Variants in NEIL1 observed in about 807,000 individuals in gnomAD.
NEIL1 encodes the protein endonuclease 8-like 1.
Under a neutral mutation model 44.2 loss-of-function variants are expected in NEIL1, and 31 were observed. The ratio of observed to expected loss-of-function variants is 0.70; its 90% CI spans 0.53 to 0.95. NEIL1 has a LOEUF of 0.95. Among genes scored for constraint, NEIL1 ranks in the 40% least tolerant of loss-of-function variants. The probability of loss-of-function intolerance (pLI) is 0.00; values close to 1 mark genes in which losing one functional copy is unlikely to be tolerated. For missense variants in NEIL1, 549 were observed against 515.5 expected, an observed-to-expected ratio of 1.07 and a Z score of -0.63; for synonymous variants, 254 against 209.7, an observed-to-expected ratio of 1.21 and a Z score of -1.83.
intron 2 of NEIL1, among the ~76,000 whole-genome samples, chr15:75,350,218 C>T (rs868617517): frequency 2.0e-5 from 3 of 152,336 alleles, no homozygotes; most frequent in Middle Eastern, 3.4e-3. Flanking sequence ...CACTTCCTTT[C>T]CTCTGAAGAG....
intron 1 of NEIL1, 44 bp downstream of exon 1, chr15:75,347,517 C>G (rs2071534599): frequency 6.5e-6 from 1 of 152,728 alleles, no homozygotes; most frequent in Non-Finnish European, 1.5e-5. Context: ...ACCCCCCAAG[C>G]TCGGGGACCC....
chr15:75,348,785 C>T (rs2071640202), intron 1 of NEIL1, 99 bp from the exon 2 acceptor site: 1 of 1,492,928 alleles, frequency 6.7e-7, no homozygotes, highest in African/African-American at 1.4e-5. Flanking sequence ...TGGCCACATG[C>T]CCATCTGACC....
intron 1 of NEIL1, chr15:75,347,717 GAGA>G: frequency 3.7e-6 from 3 of 817,192 alleles, no homozygotes; most frequent in Non-Finnish European, 4.6e-6. Flanking sequence ...TAGGGCTAAG[GAGA>G]AGATGAGCTT....
Position 75,355,161 on chromosome 15 carries a change from T to G in NEIL1, c.*127T>G. On this transcript the variant is annotated 3_prime_UTR_variant, in exon 10 of 10. Transcript: ENST00000355059. ...GCCCTACGGCTGTTCCCTGCACAAC[T>G]CTCATGGTTTTAATTGTACCCCATC... is the stretch of plus-strand genomic sequence containing the variant. 1.4e-6 allele frequency: 1 copy of G among 710,716 alleles called. No individual in the cohort carries two copies. The highest frequency in any genetic ancestry group is 2.4e-6 in the Non-Finnish European group (1 of 423,928). The allele number at this position is 710,716 out of a possible 1,614,324, so 44.0% of individuals were successfully genotyped here.
In NEIL1 at chr15:75,355,007, G is replaced by A. The variant is rs2141319788; in HGVS notation, c.1146G>A (p.Leu382=). 6.2e-7 allele frequency: 1 copy of A among 1,614,018 alleles called. No individual in the cohort carries two copies. The change falls in exon 10 of 10, where the codon TTG becomes TTA. Residue 382 remains leucine, a synonymous_variant. Coordinates refer to ENST00000355059, the MANE Select transcript of NEIL1 (RefSeq NM_024608.4). The stretch of plus-strand genomic sequence containing the variant: ...AGGTCAAGGCTGACATCCCATCCTT[G>A]GAACCAGAGGGGACCTCAGCCTCTT... ...PRKVKADIPS[L]EPEGTSAS
At chr15:75,348,228 A>T in intron 1 of NEIL1, 1 of 803,454 alleles carries the variant, frequency 1.2e-6, no homozygotes, top group Non-Finnish European at 1.5e-6. Context: ...GGCCGCGGGG[A>T]TGTCCGGTCC....
In NEIL1 at chr15:75,353,776, CT is replaced by C; in HGVS notation, c.759del (p.Phe253LeufsTer16). ...GYGSESGEED[F>X]AAFRAWLRCY... Reference sequence around the variant, plus strand: ...ACGGGTCAGAGAGCGGGGAGGAGGACTTTGCTGCCTTTCGAGCCTGGCTGCG... The same window carrying C: ...ACGGGTCAGAGAGCGGGGAGGAGGACTTGCTGCCTTTCGAGCCTGGCTGCG... On this transcript the variant is annotated frameshift_variant, in exon 6 of 10. Coordinates refer to ENST00000355059, the MANE Select transcript of NEIL1 (RefSeq NM_024608.4). LOFTEE classifies it high-confidence loss of function. The C allele has an allele frequency of 6.2e-7, 1 of 1,614,158 alleles. No individual in the cohort carries two copies. The highest frequency in any genetic ancestry group is 8.5e-7 in the Non-Finnish European group (1 of 1,180,006).
At position 75,352,926 on chromosome 15, in the gene NEIL1, G is replaced by A. The variant is rs1189321318; in HGVS notation, c.718+225G>A. On this transcript the variant is annotated intron_variant, in intron 5 of 9. Transcript: ENST00000355059. ...AGGCCGAGTGGGGTGGCTCACCTGA[G>A]GTCAGGAGTTCGAGACCATCCTGGC... 6.2e-6 allele frequency: 3 copies of A among 485,070 alleles called. No individual in the cohort carries two copies. The East Asian group carries it at 1.2e-4, about 19-fold the overall frequency. 30.0% of individuals were successfully genotyped at this position (485,070 alleles called of 1,614,324 possible).
Position 75,352,160 on chromosome 15 carries a change from T to A in NEIL1, c.484T>A (p.Cys162Ser), listed in dbSNP as rs762778959. 2 of 1,614,058 alleles carry A rather than the reference T, an allele frequency of 1.2e-6. No individual in the cohort carries two copies. The highest frequency in any genetic ancestry group is 2.7e-5 in the African/African-American group (2 of 74,926). The part of the protein sequence containing the change: ...LADKAFDRPI[C>S]EALLDQRFFN... ...GGATAAGGCCTTTGACCGGCCCATC[T>A]GCGAGGCCCTCCTGGACCAGAGGTT... Residue 162 changes from cysteine (C) to serine (S), a missense_variant, in exon 3 of 10, where the codon TGC becomes AGC. Cys to Ser is a moderately radical substitution (Grantham distance 112, BLOSUM62 -1). Coordinates refer to ENST00000355059, the MANE Select transcript of NEIL1 (RefSeq NM_024608.4).
chr15:75,356,785 C>T lies in NEIL1; in HGVS notation c.*1751C>T. ...CCAGCTCCCAGGCCTGGTGGGTACCCCACTTACAGCGAGAGGCTGAGGATG... is the reference window on the plus strand; with the variant it reads ...CCAGCTCCCAGGCCTGGTGGGTACCTCACTTACAGCGAGAGGCTGAGGATG... On this transcript the variant is annotated 3_prime_UTR_variant, in exon 10 of 10. Coordinates refer to ENST00000355059, the MANE Select transcript of NEIL1 (RefSeq NM_024608.4). This position sits in a 1 kb window ranked among gnomAD's most constrained non-coding sequence, Gnocchi z 5.8. 6.2e-7 allele frequency: 1 copy of T among 1,613,960 alleles called. No individual in the cohort carries two copies. The highest frequency in any genetic ancestry group is 8.5e-7 in the Non-Finnish European group (1 of 1,179,978).
chr15:75,347,737 G>A (rs2071548171), intron 1 of NEIL1: 5 of 958,762 alleles, frequency 5.2e-6, no homozygotes, highest in East Asian at 1.8e-4. Context: ...GCTTTGGGGG[G>A]CCCTGAGGAG....
rs560887393 is a variant in NEIL1 at position 75,356,280 on chromosome 15, C to G, written c.*1246C>G. The G allele has an allele frequency of 1.2e-6, 2 of 1,611,624 alleles. No individual in the cohort carries two copies. The highest frequency in any genetic ancestry group is 2.7e-5 in the African/African-American group (2 of 74,882). ...GCAGGCCCAGTTCGGAACCCCGTCCCCAGCACGTCCCACCCCTTGCCTGCT... is the reference window on the plus strand; with the variant it reads ...GCAGGCCCAGTTCGGAACCCCGTCCGCAGCACGTCCCACCCCTTGCCTGCT... On this transcript the variant is annotated 3_prime_UTR_variant, in exon 10 of 10. Transcript: ENST00000355059. This position sits in a 1 kb window ranked among gnomAD's most constrained non-coding sequence, Gnocchi z 5.8.
rs761525934 is a variant in NEIL1, at chr15:75,348,975, G to C, written c.70G>C (p.Gly24Arg). 5 of 1,613,170 alleles carry C rather than the reference G, an allele frequency of 3.1e-6. No individual in the cohort carries two copies. Among genetic ancestry groups the C allele is most frequent in the African/African-American group, 1.3e-5 (1 of 74,914 alleles). Residue 24 changes from glycine to arginine, a missense_variant, in exon 2 of 10, where the codon GGC becomes CGC. Gly to Arg is a moderately radical substitution (Grantham distance 125, BLOSUM62 -2). Transcript: ENST00000355059. ...VNEACRALVF[G>R]GCVEKSSVSR... is the part of the protein sequence containing the mutation. ...TGAGGCCTGCAGGGCGCTGGTGTTC[G>C]GCGGCTGCGTGGAGAAGTCCTCTGT...
intron 2 of NEIL1, among the ~76,000 whole-genome samples, chr15:75,349,977 G>A (rs1375059191): frequency 1.3e-5 from 2 of 152,240 alleles, no homozygotes; most frequent in Non-Finnish European, 2.9e-5. Flanking sequence ...GGCTAAGAAG[G>A]TGGAGGGGCT....
In NEIL1 at chr15:75,349,111, A is replaced by G. The variant is rs1440103921; in HGVS notation, c.206A>G (p.Gln69Arg). The change falls in exon 2 of 10, where the codon CAA becomes CGA. Residue 69 changes from glutamine (Q) to arginine (R), a missense_variant. Gln to Arg is a conservative substitution (Grantham distance 43). Coordinates refer to ENST00000355059, the MANE Select transcript of NEIL1 (RefSeq NM_024608.4). ...AGCCCTCTGCCTGGGGCCCAGCCCC[A>G]ACAGGAGCCACTGGCCCTGGTCTTC... The part of the protein sequence containing the change: ...ILSPLPGAQP[Q>R]QEPLALVFRF... 3 of 1,611,794 alleles carry G rather than the reference A, an allele frequency of 1.9e-6. No individual in the cohort carries two copies. Among genetic ancestry groups the G allele is most frequent in the Non-Finnish European group, 2.5e-6 (3 of 1,179,936 alleles).
chr15:75,353,142 CAA>C (rs1195902594), intron 5 of NEIL1: 75 of 95,432 alleles, frequency 7.9e-4, no homozygotes, highest in South Asian at 3.0e-3. Flanking sequence ...AACTCCATCT[CAA>C]AAAAAAAAAA....
rs780097586 is a variant in NEIL1, at chr15:75,355,079, C to T, written c.*45C>T. 1.9e-5 allele frequency: 30 copies of T among 1,571,382 alleles called. No homozygotes were observed. Among genetic ancestry groups the T allele is most frequent in the Non-Finnish European group, 2.6e-5 (30 of 1,148,912 alleles). ...GCACTCACCCTTTCTTATTGTCTTG[C>T]CCTGCATCTGGGGGTCTGAATTTTT... is the stretch of plus-strand genomic sequence containing the variant. On this transcript the variant is annotated 3_prime_UTR_variant, in exon 10 of 10. Coordinates refer to ENST00000355059, the MANE Select transcript of NEIL1 (RefSeq NM_024608.4).
chr15:75,353,970 C>T, intron 6 of NEIL1, 104 bp downstream of exon 6: 1 of 1,448,440 alleles, frequency 6.9e-7, no homozygotes, highest in Admixed American at 1.8e-5. Flanking sequence ...TGTCTAGACC[C>T]TCCAAGGACC....
rs1308925537 is a variant in NEIL1, at chr15:75,354,708, T to C, written c.992T>C (p.Leu331Pro). Residue 331 changes from leucine (L) to proline (P), a missense_variant, in exon 9 of 10, where the codon CTT (leucine) becomes CCT (proline). Transcript: ENST00000355059. ...PSRTRRAKRD[L>P]PKRTATQRPE... ...AGGACACGAAGGGCAAAGAGAGACC[T>C]TCCTAAGAGGACTGCAACCCAGCGG... The C allele has an allele frequency of 1.2e-6, 2 of 1,614,052 alleles. No individual in the cohort carries two copies. Among genetic ancestry groups the C allele is most frequent in the Admixed American group, 3.3e-5 (2 of 60,008 alleles).
Sources: gnomAD v4.1 joint callset for allele counts (sites outside exome capture counted in the v4.1 genomes callset) on GRCh38, gnomAD v4.1.1 for gene constraint, Gnocchi (gnomAD v3.1) non-coding constraint, MANE v1.5 for transcripts, NCBI Gene and HGNC (gene_info 2026-07-23, HGNC 2026-07-21) for gene names.